Variants in ROBO2 observed in about 807,000 individuals in gnomAD.
ROBO2 encodes roundabout homolog 2.
A neutral mutation model predicts 160.8 loss-of-function variants in ROBO2; 53 were observed. That is an observed-to-expected ratio of 0.33 (90% confidence interval 0.26 to 0.41). ROBO2 has a LOEUF of 0.41. Ranked by LOEUF, ROBO2 falls within the 10% of genes least tolerant of loss-of-function variation. The probability of loss-of-function intolerance (pLI) is 1.00; values close to 1 mark genes in which losing one functional copy is unlikely to be tolerated. For missense variants in ROBO2, 1,577 were observed against 1,722.4 expected (o/e 0.92, Z 1.49); for synonymous variants, 664 against 611.7 (o/e 1.09, Z -1.26).
chr3:76,032,042 T>C (rs1315085839), intron 2 of ROBO2, among the ~76,000 whole-genome samples: 1 of 152,206 alleles, frequency 6.6e-6, no homozygotes, highest in South Asian at 2.1e-4. Flanking sequence ...GAGCCTGTTA[T>C]TGGTCTATTC....
At chr3:76,346,695 G>C (rs962099168) in intron 2 of ROBO2, among the ~76,000 whole-genome samples, 1 of 151,838 alleles carries the variant, frequency 6.6e-6, no homozygotes, top group Non-Finnish European at 1.5e-5. Flanking sequence ...GAGATTTGTC[G>C]ATAACGTTTT....
At chr3:76,342,045 A>G (rs1391046965) in intron 2 of ROBO2, among the ~76,000 whole-genome samples, 3 of 152,156 alleles carry the variant, frequency 2.0e-5, no homozygotes, top group Non-Finnish European at 4.4e-5. Flanking sequence ...CAGTGTTTAC[A>G]GACAATAAAG....
chr3:75,945,502 A>T (rs548700904), intron 2 of ROBO2, among the ~76,000 whole-genome samples: 6 of 152,222 alleles, frequency 3.9e-5, no homozygotes, highest in African/African-American at 1.2e-4. Flanking sequence ...GAAAGTTCGT[A>T]GGGACCTTAG....
intron 2 of ROBO2, among the ~76,000 whole-genome samples, chr3:76,914,463 T>C (rs1215469564): frequency 2.6e-5 from 4 of 152,182 alleles, no homozygotes; most frequent in Admixed American, 6.5e-5. Context: ...ACATTGTTTT[T>C]TTTTTTAATT....
intron 2 of ROBO2, among the ~76,000 whole-genome samples, chr3:76,243,624 A>G (rs983683857): frequency 5.3e-5 from 8 of 152,194 alleles, no homozygotes. Context: ...AGTAAAAACC[A>G]TGAGAAGTAG....
At chr3:76,380,717 G>A (rs1049558624) in intron 2 of ROBO2, among the ~76,000 whole-genome samples, 4 of 150,374 alleles carry the variant, frequency 2.7e-5, no homozygotes, top group Admixed American at 2.0e-4. Flanking sequence ...AAAGTCAAAC[G>A]TTATATGTGG....
chr3:77,107,135 C>T (rs956930363), intron 2 of ROBO2, among the ~76,000 whole-genome samples: 4 of 152,316 alleles, frequency 2.6e-5, no homozygotes, highest in East Asian at 1.9e-4. Context: ...GGTTCATAGA[C>T]GGCATCCTCA....
intron 5 of ROBO2, among the ~76,000 whole-genome samples, chr3:77,506,372 TATTATA>T (rs1466236207): frequency 6.6e-6 from 1 of 152,136 alleles, no homozygotes; most frequent in Non-Finnish European, 1.5e-5. Flanking sequence ...AGATCATCAT[TATTATA>T]ATTATTTCTT....
intron 1 of ROBO2, among the ~76,000 whole-genome samples, chr3:77,053,191 A>G (rs746435944): frequency 5.1e-4 from 77 of 152,322 alleles, no homozygotes; most frequent in Non-Finnish European, 1.0e-3. Flanking sequence ...TGAGTGTGGC[A>G]GCTAGAAAAT....
chr3:77,303,783 G>A (rs1200029043), intron 2 of ROBO2, among the ~76,000 whole-genome samples: 2 of 151,832 alleles, frequency 1.3e-5, no homozygotes, highest in African/African-American at 4.8e-5. Context: ...ATTTGACAAT[G>A]AAATATTTTA....
chr3:76,681,798 T>G (rs2092570087), intron 2 of ROBO2, among the ~76,000 whole-genome samples: 1 of 151,920 alleles, frequency 6.6e-6, no homozygotes, highest in African/African-American at 2.4e-5. Flanking sequence ...GCCATTACTT[T>G]CAATGGCAAA....
chr3:77,604,491 T>A (rs959123374), intron 20 of ROBO2, among the ~76,000 whole-genome samples: 1 of 152,156 alleles, frequency 6.6e-6, no homozygotes, highest in African/African-American at 2.4e-5. Flanking sequence ...TTTGAGTAAC[T>A]GTAAGCAGAA....
chr3:76,636,594 A>T (rs2090346139), intron 2 of ROBO2, among the ~76,000 whole-genome samples: 1 of 152,170 alleles, frequency 6.6e-6, no homozygotes, highest in African/African-American at 2.4e-5. Context: ...AGAAACCCAG[A>T]TTCAAAGACA....
intron 2 of ROBO2, among the ~76,000 whole-genome samples, chr3:76,290,563 T>A (rs937574348): frequency 6.6e-6 from 1 of 152,146 alleles, no homozygotes; most frequent in Non-Finnish European, 1.5e-5. Context: ...CTAAGTGGAA[T>A]AGGAGTGGGA....
chr3:76,453,582 T>G (rs1420434548), intron 2 of ROBO2, among the ~76,000 whole-genome samples: 2 of 152,172 alleles, frequency 1.3e-5, no homozygotes, highest in Non-Finnish European at 2.9e-5. Flanking sequence ...TACTGTAGCC[T>G]TGTAGTATAG....
chr3:77,221,096 A>G (rs959686401), intron 2 of ROBO2, among the ~76,000 whole-genome samples: 1 of 152,324 alleles, frequency 6.6e-6, no homozygotes, highest in African/African-American at 2.4e-5. Context: ...AACATCAGTT[A>G]TATGAACACT....
Position 76,501,471 on chromosome 3 carries a change from G to C in ROBO2, c.109+563869G>C, listed in dbSNP as rs112654080. The stretch of plus-strand genomic sequence containing the variant: ...AATACCATGCTAAATTTCTTTCAAG[G>C]CTAATCATTAACTCATTCTTCCACT... On this transcript the variant is annotated intron_variant, in intron 2 of 26. Coordinates refer to the ROBO2 transcript ENST00000487694. Among the ~76,000 whole-genome samples, 1,170 of 152,246 alleles carry C rather than the reference G, an allele frequency of 7.7e-3. 11 individuals carry two copies. Among genetic ancestry groups the C allele is most frequent in the African/African-American group, 0.026 (1,074 of 41,548 alleles).
intron 2 of ROBO2, among the ~76,000 whole-genome samples, chr3:77,134,698 C>A (rs183483829): frequency 6.6e-6 from 1 of 152,136 alleles, no homozygotes; most frequent in African/African-American, 2.4e-5. Flanking sequence ...CAAAGCATGA[C>A]CTGCTCACTA....
intron 2 of ROBO2, among the ~76,000 whole-genome samples, chr3:76,587,841 C>G (rs1437739827): frequency 6.6e-6 from 1 of 152,144 alleles, no homozygotes; most frequent in Non-Finnish European, 1.5e-5. Flanking sequence ...CCCTTTCCAT[C>G]TTTCTTCAGC....
Sources: gnomAD v4.1 joint callset for allele counts (sites outside exome capture counted in the v4.1 genomes callset) on GRCh38, gnomAD v4.1.1 for gene constraint, MANE v1.5 for transcripts, NCBI Gene and HGNC (gene_info 2026-07-23, HGNC 2026-07-21) for gene names.